The following ACACA variants were observed in gnomAD, a reference collection of about 807,000 sequenced individuals.
ACACA encodes the protein acetyl-CoA carboxylase 1.
A neutral mutation model predicts 296.1 loss-of-function variants in ACACA; 103 were observed. The ratio of observed to expected loss-of-function variants is 0.35; its 90% CI spans 0.30 to 0.41. The LOEUF (loss-of-function observed/expected upper bound fraction) is 0.41, where lower values mean the gene tolerates loss of function less well. ACACA is among the 10% of genes least tolerant of loss of function. ACACA has a pLI of 1.00. For missense variants in ACACA, 1,554 were observed against 2,989.7 expected (o/e 0.52, Z 11.20); for synonymous variants, 953 against 1,038.6 (o/e 0.92, Z 1.58).
intron 12 of ACACA, 114 bp downstream of exon 12, chr17:37,259,246 C>T: frequency 8.4e-7 from 1 of 1,189,000 alleles, no homozygotes; most frequent in Non-Finnish European, 1.2e-6. Context: ...GAGAAATGAC[C>T]ATTAGGTGTG....
rs967382610 is a variant in ACACA, at chr17:37,380,433, G to GA, written c.38+25828dup. ...TAAAACTTAAAGTATAATAATAAAA[G>GA]AAAAAAAAAAGAAAATGAATTATCC... On this transcript the variant is annotated intron_variant, in intron 1 of 55. Coordinates refer to ENST00000616317, the MANE Select transcript of ACACA (RefSeq NM_198834.3). Among the ~76,000 whole-genome samples the GA allele has an allele frequency of 6.0e-4, 88 of 146,090 alleles. No individual in the cohort carries two copies. In the Middle Eastern group the frequency reaches 0.01, roughly 17 times the overall value.
In ACACA at chr17:37,087,273, C is replaced by T. The variant is rs1170121570; in HGVS notation, c.*43G>A. The stretch of plus-strand genomic sequence containing the variant: ...TACAGTTGTAAAAGGCAGCTCTAGC[C>T]CTTTTCTCCAGAGACAGGGCAGGGA... On this transcript the variant is annotated 3_prime_UTR_variant, in exon 56 of 56. Transcript: ENST00000616317. 1.2e-6 allele frequency: 2 copies of T among 1,613,372 alleles called. No homozygotes were observed. Among genetic ancestry groups the T allele is most frequent in the East Asian group, 2.2e-5 (1 of 44,898 alleles).
At chr17:37,263,966 C>G in intron 10 of ACACA, 72 bp from the exon 11 acceptor site, 1 of 1,284,046 alleles carries the variant, frequency 7.8e-7, no homozygotes, top group Non-Finnish European at 1.1e-6. Flanking sequence ...TGATAAGCTA[C>G]TTTGATTTCA....
At chr17:37,328,951 C>T in intron 3 of ACACA, 2 of 398,552 alleles carry the variant, frequency 5.0e-6, no homozygotes, top group East Asian at 7.1e-5. Context: ...ACAGTGAGAA[C>T]CAAGAACCAC....
At chr17:37,200,097 T>C in intron 35 of ACACA, 42 bp downstream of exon 35, 1 of 1,465,512 alleles carries the variant, frequency 6.8e-7, no homozygotes, top group Admixed American at 1.7e-5. Context: ...GGCAGACAAA[T>C]AAAACAGTAA....
At chr17:37,288,691 A>G (rs1451765197) in intron 3 of ACACA, among the ~76,000 whole-genome samples, 1 of 152,118 alleles carries the variant, frequency 6.6e-6, no homozygotes, top group African/African-American at 2.4e-5. Flanking sequence ...TGAGCCCAGG[A>G]GTTCAAGACC....
chr17:37,109,855 G>A (rs2073887639), intron 52 of ACACA, among the ~76,000 whole-genome samples: 1 of 152,172 alleles, frequency 6.6e-6, no homozygotes, highest in South Asian at 2.1e-4. Flanking sequence ...CAGCCATTGG[G>A]GGGTTAAAAA....
chr17:37,340,463 T>A (rs829167), intron 1 of ACACA, among the ~76,000 whole-genome samples: 33,976 of 152,096 alleles, frequency 0.22, 4,117 homozygotes, highest in Admixed American at 0.35. Context: ...AAGTCTAAAC[T>A]CCACCCTAGA....
At chr17:37,375,167 C>G (rs1420283280) in intron 1 of ACACA, among the ~76,000 whole-genome samples, 1 of 150,672 alleles carries the variant, frequency 6.6e-6, no homozygotes, top group Admixed American at 6.6e-5. Context: ...GCACTCCAGC[C>G]TGGGCAACAG....
Position 37,146,519 on chromosome 17 carries a change from A to G in ACACA, c.5679+3345T>C, listed in dbSNP as rs558096037. Among the ~76,000 whole-genome samples, 98 of 152,232 alleles carry G rather than the reference A, an allele frequency of 6.4e-4. 1 individual carries two copies. The highest frequency in any genetic ancestry group is 2.3e-3 in the African/African-American group (96 of 41,526). On this transcript the variant is annotated intron_variant, in intron 45 of 55. Transcript: ENST00000616317. ...CTGCCTCAGCAAAAGTTTTCATTAAAATTTTAGACAAATCATCCCTGTGTC... is the reference window on the plus strand; with the variant it reads ...CTGCCTCAGCAAAAGTTTTCATTAAGATTTTAGACAAATCATCCCTGTGTC...
intron 3 of ACACA, among the ~76,000 whole-genome samples, chr17:37,298,196 G>A (rs973639165): frequency 2.6e-5 from 4 of 152,104 alleles, no homozygotes; most frequent in East Asian, 3.9e-4. Context: ...AAGGGTGGAA[G>A]AAGTGGTAAA....
At chr17:37,363,699 C>T (rs2049500797) in intron 1 of ACACA, among the ~76,000 whole-genome samples, 2 of 152,016 alleles carry the variant, frequency 1.3e-5, no homozygotes, top group Admixed American at 6.6e-5. Flanking sequence ...GAAAATAGAA[C>T]CATGGGCTGG....
At chr17:37,271,238 G>A (rs556004503) in intron 9 of ACACA, among the ~76,000 whole-genome samples, 6 of 152,162 alleles carry the variant, frequency 3.9e-5, no homozygotes, top group Admixed American at 1.3e-4. Flanking sequence ...GAATGGGTCC[G>A]GGCACAGTGG....
chr17:37,173,868 C>T (rs2076966027), intron 41 of ACACA, among the ~76,000 whole-genome samples: 2 of 146,520 alleles, frequency 1.4e-5, no homozygotes, highest in African/African-American at 5.0e-5. Flanking sequence ...GGCTGGAGTG[C>T]AGTCGTGCGA....
intron 3 of ACACA, among the ~76,000 whole-genome samples, chr17:37,324,012 C>T (rs1439653043): frequency 2.0e-5 from 3 of 152,172 alleles, no homozygotes; most frequent in Non-Finnish European, 4.4e-5. Flanking sequence ...GGGTGGATCA[C>T]CTGAGGTCAG....
intron 41 of ACACA, among the ~76,000 whole-genome samples, chr17:37,178,695 G>C (rs985047397): frequency 5.3e-5 from 8 of 152,146 alleles, no homozygotes; most frequent in Non-Finnish European, 1.0e-4. Context: ...CAGCTACTCA[G>C]GAGGCTGAGG....
chr17:37,318,715 G>GA (rs1371994013), intron 3 of ACACA, among the ~76,000 whole-genome samples: 1 of 152,086 alleles, frequency 6.6e-6, no homozygotes, highest in Non-Finnish European at 1.5e-5. Context: ...AGGACTCCTT[G>GA]ATAATAAATA....
At chr17:37,330,115 A>G in intron 3 of ACACA, 58 bp downstream of exon 3, 2 of 1,605,062 alleles carry the variant, frequency 1.2e-6, no homozygotes, top group Non-Finnish European at 1.7e-6. Context: ...TTTTCAGAAC[A>G]TAATCAGCAA....
chr17:37,293,206 A>G (rs1305350684), intron 3 of ACACA, among the ~76,000 whole-genome samples: 1 of 152,178 alleles, frequency 6.6e-6, no homozygotes. Context: ...TCCTTACTAC[A>G]TTGTTTCATA....
Sources: gnomAD v4.1 joint callset for allele counts (sites outside exome capture counted in the v4.1 genomes callset) on GRCh38, gnomAD v4.1.1 for gene constraint, MANE v1.5 for transcripts, NCBI Gene and HGNC (gene_info 2026-07-23, HGNC 2026-07-21) for gene names.